The following RGS7 variants were observed in gnomAD, a reference collection of about 807,000 sequenced individuals.
RGS7 encodes regulator of G protein signaling 7, also known as regulator of G-protein signaling 7.
Under a neutral mutation model 81.1 loss-of-function variants are expected in RGS7, and 27 were observed. That is an observed-to-expected ratio of 0.33 (90% CI 0.25 to 0.46). The LOEUF is 0.46. Among genes scored for constraint, RGS7 ranks in the 20% least tolerant of loss-of-function variants. The pLI is 1.00. For synonymous variants in RGS7, 208 were observed against 207.7 expected (o/e 1.00, Z -0.01); for missense variants, 396 against 607.4 (o/e 0.65, Z 3.66).
At chr1:240,933,965 T>A (rs1176515318) in intron 5 of RGS7, among the ~76,000 whole-genome samples, 1 of 151,888 alleles carries the variant, frequency 6.6e-6, no homozygotes, top group South Asian at 2.1e-4. Flanking sequence ...TTTAGATTTT[T>A]TTATTATTAT....
intron 2 of RGS7, among the ~76,000 whole-genome samples, chr1:241,295,178 G>A (rs925001115): frequency 1.3e-5 from 2 of 152,138 alleles, no homozygotes; most frequent in African/African-American, 2.4e-5. Flanking sequence ...GCCGGGTGCG[G>A]TGGCTCACGC....
intron 2 of RGS7, among the ~76,000 whole-genome samples, chr1:241,347,032 C>T (rs1425823537): frequency 1.3e-5 from 2 of 152,078 alleles, no homozygotes; most frequent in African/African-American, 4.8e-5. Flanking sequence ...TAAGCATTAA[C>T]AATGAAAAAA....
intron 2 of RGS7, among the ~76,000 whole-genome samples, chr1:241,184,182 C>T (rs577933696): frequency 3.3e-5 from 5 of 152,046 alleles, no homozygotes; most frequent in South Asian, 2.1e-4. Flanking sequence ...AACATCCTGC[C>T]TAATTGATCA....
At chr1:240,993,455 G>A (rs1338490947) in intron 3 of RGS7, among the ~76,000 whole-genome samples, 1 of 152,090 alleles carries the variant, frequency 6.6e-6, no homozygotes, top group Admixed American at 6.6e-5. Context: ...GTGTCTGCCT[G>A]GTGGCTAATG....
At chr1:240,861,256 T>C (rs978026463) in intron 9 of RGS7, among the ~76,000 whole-genome samples, 3 of 152,214 alleles carry the variant, frequency 2.0e-5, no homozygotes, top group Non-Finnish European at 2.9e-5. Context: ...TTATTGTTTC[T>C]ATATTGAACA....
At chr1:241,009,752 T>C (rs1342945984) in intron 3 of RGS7, among the ~76,000 whole-genome samples, 2 of 152,198 alleles carry the variant, frequency 1.3e-5, no homozygotes, top group Admixed American at 1.3e-4. Flanking sequence ...GAAGGCATAC[T>C]GCAAATTGTT....
intron 3 of RGS7, among the ~76,000 whole-genome samples, chr1:241,085,910 TACAA>T (rs1243685214): frequency 1.3e-5 from 2 of 152,190 alleles, no homozygotes; most frequent in African/African-American, 4.8e-5. Flanking sequence ...CCTGGTTACT[TACAA>T]GCGGTCTTTA....
At chr1:241,235,654 CT>C (rs893704994) in intron 2 of RGS7, among the ~76,000 whole-genome samples, 4 of 89,630 alleles carry the variant, frequency 4.5e-5, no homozygotes, top group South Asian at 4.1e-4. Flanking sequence ...CTCATTCTCT[CT>C]TTCTTTCTCT....
intron 5 of RGS7, among the ~76,000 whole-genome samples, chr1:240,932,663 C>T (rs1055734810): frequency 3.2e-4 from 48 of 150,136 alleles, no homozygotes; most frequent in African/African-American, 1.1e-3. Context: ...TGCCCGCCAC[C>T]ACGCCCAGCT....
At chr1:241,273,700 T>C (rs1314696115) in intron 2 of RGS7, among the ~76,000 whole-genome samples, 1 of 152,136 alleles carries the variant, frequency 6.6e-6, no homozygotes, top group Admixed American at 6.5e-5. Flanking sequence ...GCAGTGTACT[T>C]GGTGAGGCCT....
chr1:241,131,095 T>C (rs2067056963), intron 2 of RGS7, among the ~76,000 whole-genome samples: 2 of 152,200 alleles, frequency 1.3e-5, no homozygotes, highest in Admixed American at 1.3e-4. Context: ...ATGATTCATT[T>C]TTTTTTAATG....
chr1:240,806,258 A>G lies in RGS7; in HGVS notation c.1151T>C (p.Ile384Thr), dbSNP rs1688823936. The stretch of plus-strand genomic sequence containing the variant: ...TCCGGGAGCCAGAAACTCTTGCCAT[A>G]TTTCCTGAACTCTTGAGGGTACTTC... ...IKEVPSRVQE[I>T]WQEFLAPGAP... Residue 384 changes from isoleucine (I) to threonine (T), a missense_variant, in exon 15 of 19, where the codon ATA (isoleucine) becomes ACA (threonine). Coordinates refer to ENST00000440928, the MANE Select transcript of RGS7 (RefSeq NM_001364886.1). 1 of 1,613,834 alleles carries G rather than the reference A, an allele frequency of 6.2e-7. No homozygotes were observed. Among genetic ancestry groups the G allele is most frequent in the South Asian group, 1.1e-5 (1 of 91,082 alleles).
chr1:241,035,599 T>C (rs1007315274), intron 3 of RGS7, among the ~76,000 whole-genome samples: 4 of 152,100 alleles, frequency 2.6e-5, no homozygotes, highest in Non-Finnish European at 1.5e-5. Context: ...ACTTATTTGA[T>C]CACCAATACT....
At chr1:241,190,091 G>A (rs1230868938) in intron 2 of RGS7, among the ~76,000 whole-genome samples, 2 of 151,436 alleles carry the variant, frequency 1.3e-5, no homozygotes, top group South Asian at 2.1e-4. Context: ...CGACAGAGCA[G>A]ACTCCGTCTC....
At chr1:241,286,651 C>G (rs932318282) in intron 2 of RGS7, among the ~76,000 whole-genome samples, 5 of 152,172 alleles carry the variant, frequency 3.3e-5, no homozygotes, top group African/African-American at 1.2e-4. Context: ...TCCATTTGGC[C>G]CAAACTAGGG....
chr1:241,155,097 A>G (rs2103154149), intron 2 of RGS7, among the ~76,000 whole-genome samples: 1 of 152,242 alleles, frequency 6.6e-6, no homozygotes, highest in South Asian at 2.1e-4. Context: ...TTGCAATACA[A>G]TCATTTTGAT....
intron 6 of RGS7, among the ~76,000 whole-genome samples, chr1:240,884,841 C>T (rs889506852): frequency 2.8e-4 from 43 of 152,092 alleles, no homozygotes; most frequent in African/African-American, 9.9e-4. Flanking sequence ...GACACAGGAA[C>T]GGGCAAAGAT....
chr1:241,030,764 T>C (rs1255170957), intron 3 of RGS7, among the ~76,000 whole-genome samples: 1 of 152,204 alleles, frequency 6.6e-6, no homozygotes, highest in African/African-American at 2.4e-5. Context: ...TTTCTCTGTA[T>C]AGCAGCTGAA....
At chr1:240,938,319 T>C (rs1425630540) in intron 4 of RGS7, among the ~76,000 whole-genome samples, 1 of 152,232 alleles carries the variant, frequency 6.6e-6, no homozygotes, top group Non-Finnish European at 1.5e-5. Context: ...TGTATCTTTA[T>C]GTATAATTCA....
Sources: allele counts gnomAD v4.1 joint callset (sites outside exome capture counted in the v4.1 genomes callset), GRCh38; gene constraint gnomAD v4.1.1; transcripts MANE v1.5; gene names NCBI Gene and HGNC (gene_info 2026-07-23, HGNC 2026-07-21).